The following SIM2 variants were observed in gnomAD, a reference collection of about 807,000 sequenced individuals.
The protein encoded by SIM2 is single-minded homolog 2.
Under a neutral mutation model 64.8 loss-of-function variants are expected in SIM2, and 28 were observed. The observed-to-expected ratio is 0.43, with a 90% confidence interval of 0.32 to 0.59. The LOEUF (loss-of-function observed/expected upper bound fraction) is 0.59, where lower values mean the gene tolerates loss of function less well. Ranked by LOEUF, SIM2 falls within the 20% of genes least tolerant of loss-of-function variation. The pLI is 0.07. For missense variants in SIM2, 847 were observed against 871.4 expected (o/e 0.97, Z 0.35); for synonymous variants, 408 against 391.1 (o/e 1.04, Z -0.51).
At chr21:36,737,988 A>AG (rs1301854023) in intron 7 of SIM2, among the ~76,000 whole-genome samples, 1 of 149,918 alleles carries the variant, frequency 6.7e-6, no homozygotes, top group African/African-American at 2.4e-5. Flanking sequence ...AAAAAGCAAA[A>AG]AAAAAGCAAA....
At chr21:36,737,982 A>AAAAAAAAAAAAAAAAAAAAAG (rs2089095780) in intron 7 of SIM2, among the ~76,000 whole-genome samples, 1 of 88,790 alleles carries the variant, frequency 1.1e-5, no homozygotes, top group African/African-American at 3.4e-5. Context: ...AAAAAAAAAA[A>AAAAAAAAAAAAAAAAAAAAAG]GCAAAAAAAA....
At chr21:36,734,165 A>T (rs2089013018) in intron 7 of SIM2, among the ~76,000 whole-genome samples, 1 of 152,108 alleles carries the variant, frequency 6.6e-6, no homozygotes, top group Non-Finnish European at 1.5e-5. Flanking sequence ...AACCTTGGAG[A>T]TGTGGGCTGG....
chr21:36,737,102 T>C (rs138915891), intron 7 of SIM2, among the ~76,000 whole-genome samples: 1 of 152,208 alleles, frequency 6.6e-6, no homozygotes, highest in African/African-American at 2.4e-5. Context: ...AATTTTTAAA[T>C]GTTTTTGGTA....
At chr21:36,713,608 A>C (rs962473955) in intron 3 of SIM2, among the ~76,000 whole-genome samples, 1 of 152,222 alleles carries the variant, frequency 6.6e-6, no homozygotes, top group Non-Finnish European at 1.5e-5. Context: ...TTTGAATTAC[A>C]CCTGCCTCCT....
At chr21:36,740,019 GAAAGAA>G (rs2089138250) in intron 7 of SIM2, among the ~76,000 whole-genome samples, 1 of 61,034 alleles carries the variant, frequency 1.6e-5, no homozygotes, top group South Asian at 7.4e-4. Context: ...GAGAAAGAAA[GAAAGAA>G]AGAAAGAAAG....
intron 5 of SIM2, 148 bp downstream of exon 5, chr21:36,723,278 T>C (rs894885048): frequency 3.0e-6 from 2 of 659,848 alleles, no homozygotes; most frequent in Non-Finnish European, 2.7e-6. Flanking sequence ...CACAGTCTCT[T>C]GGAGGCTCAT....
intron 3 of SIM2, among the ~76,000 whole-genome samples, chr21:36,717,134 C>T (rs1321979326): frequency 6.6e-6 from 1 of 152,152 alleles, no homozygotes; most frequent in Non-Finnish European, 1.5e-5. Flanking sequence ...TCTCATTCTT[C>T]AAAAGCATGT....
chr21:36,706,725 G>C (rs1209684756), intron 1 of SIM2, among the ~76,000 whole-genome samples: 1 of 152,152 alleles, frequency 6.6e-6, no homozygotes, highest in Admixed American at 6.5e-5. Flanking sequence ...GCAGCGCCAC[G>C]GCCCCGGGTG....
intron 5 of SIM2, among the ~76,000 whole-genome samples, chr21:36,723,529 C>T (rs1370806759): frequency 6.6e-6 from 1 of 152,234 alleles, no homozygotes; most frequent in Admixed American, 6.5e-5. Context: ...ACCAAGTTCC[C>T]TGCCGCCGAT....
chr21:36,699,768 G>T lies in SIM2; in HGVS notation c.22G>T (p.Ala8Ser), dbSNP rs753796262. Residue 8 changes from alanine to serine, a missense_variant, in exon 1 of 11, where the codon GCG (alanine) becomes TCG (serine). By Grantham distance (99) the Ala-to-Ser change is moderately conservative (BLOSUM62 1). Transcript: ENST00000290399. The surrounding 1 kb of genome is among the most constrained non-coding windows in gnomAD (Gnocchi z 5.6). ...CGCGATGAAGGAGAAGTCCAAGAAT[G>T]CGGCCAAGACCAGGAGGGAGAAGGA... MKEKSKN[A>S]AKTRREKENG... 6.2e-7 allele frequency: 1 copy of T among 1,612,914 alleles called. No individual in the cohort carries two copies. The highest frequency in any genetic ancestry group is 1.1e-5 in the South Asian group (1 of 90,954).
intron 6 of SIM2, among the ~76,000 whole-genome samples, chr21:36,729,982 C>T (rs2088943696): frequency 6.6e-6 from 1 of 152,178 alleles, no homozygotes; most frequent in African/African-American, 2.4e-5. Flanking sequence ...AAAATGCTTC[C>T]ATTTCTCTAG....
chr21:36,700,748 G>A (rs973674968), intron 1 of SIM2, among the ~76,000 whole-genome samples: 8 of 152,180 alleles, frequency 5.3e-5, no homozygotes, highest in African/African-American at 1.9e-4. Context: ...GGAGAGACCC[G>A]CCCCCGCCGT....
chr21:36,704,221 TA>T (rs1347963893), intron 1 of SIM2, among the ~76,000 whole-genome samples: 1 of 152,174 alleles, frequency 6.6e-6, no homozygotes, highest in Non-Finnish European at 1.5e-5. Flanking sequence ...GAAGCCAGGT[TA>T]TCTTAGAAAC....
At chr21:36,707,419 G>C (rs1310587131) in intron 1 of SIM2, among the ~76,000 whole-genome samples, 1 of 152,054 alleles carries the variant, frequency 6.6e-6, no homozygotes, top group Non-Finnish European at 1.5e-5. Context: ...AAAAGCCACC[G>C]CTGCCCCCGT....
chr21:36,704,846 C>T (rs1056641224), intron 1 of SIM2, among the ~76,000 whole-genome samples: 1 of 152,222 alleles, frequency 6.6e-6, no homozygotes, highest in South Asian at 2.1e-4. Flanking sequence ...CACGACCACC[C>T]CCTTCTCACC....
In SIM2 at chr21:36,743,550, C is replaced by T. The variant is rs1281252154; in HGVS notation, c.1162C>T (p.Pro388Ser). The T allele has an allele frequency of 1.9e-6, 3 of 1,613,290 alleles. No homozygotes were observed. The highest frequency in any genetic ancestry group is 2.5e-6 in the Non-Finnish European group (3 of 1,179,680). Residue 388 changes from proline (P) to serine (S), a missense_variant, in exon 9 of 11, where the codon CCA (proline) becomes TCA (serine). By Grantham distance (74) the Pro-to-Ser change is moderately conservative. Coordinates refer to ENST00000290399, the MANE Select transcript of SIM2 (RefSeq NM_005069.6). ...KTKLRTNPYP[P>S]QQYSSFQMDK... ...AAAGCTGAGAACAAACCCTTACCCC[C>T]CACAGGTAACACGCATGTCCTGCAG...
intron 3 of SIM2, among the ~76,000 whole-genome samples, chr21:36,714,726 G>A (rs774168795): frequency 4.6e-5 from 7 of 152,152 alleles, no homozygotes; most frequent in South Asian, 4.1e-4. Context: ...CAGTCAGGCC[G>A]TCCAAGTTAG....
Position 36,723,149 on chromosome 21 carries a change from G to A in SIM2, c.543+19G>A. On this transcript the variant is annotated intron_variant, in intron 5 of 10. Transcript: ENST00000290399. ...ATACAAGGTACGGGGAGTCATGGGTGCGGGGAGGAGCTGGCTAAGGGTCTT... is the reference window on the plus strand; with the variant it reads ...ATACAAGGTACGGGGAGTCATGGGTACGGGGAGGAGCTGGCTAAGGGTCTT... 1 of 1,602,722 alleles carries A rather than the reference G, an allele frequency of 6.2e-7. No individual in the cohort carries two copies. Among genetic ancestry groups the A allele is most frequent in the Non-Finnish European group, 8.5e-7 (1 of 1,169,672 alleles).
At chr21:36,712,458 A>T in intron 2 of SIM2, 75 bp from the exon 3 acceptor site, 1 of 998,704 alleles carries the variant, frequency 1.0e-6, no homozygotes. Context: ...CCTCCATCCC[A>T]GTGACTGTAC....
Sources: allele counts gnomAD v4.1 joint callset (sites outside exome capture counted in the v4.1 genomes callset), GRCh38; gene constraint gnomAD v4.1.1; non-coding constraint Gnocchi (gnomAD v3.1); transcripts MANE v1.5; gene names NCBI Gene and HGNC (gene_info 2026-07-23, HGNC 2026-07-21).